Variants in LAT2 observed in about 807,000 individuals in gnomAD.
LAT2 encodes the protein linker for activation of T cells family member 2.
Under a neutral mutation model 43.4 loss-of-function variants are expected in LAT2, and 23 were observed. The ratio of observed to expected loss-of-function variants is 0.53; its 90% CI spans 0.38 to 0.75. LAT2 has a LOEUF of 0.75. LAT2 is among the 30% of genes least tolerant of loss of function. The pLI is 0.00. For synonymous variants in LAT2, 128 were observed against 123.2 expected (o/e 1.04, Z -0.26); for missense variants, 284 against 310.2 (o/e 0.92, Z 0.64).
chr7:74,219,549 G>T (rs1264038270), intron 4 of LAT2, among the ~76,000 whole-genome samples, 195 bp from the exon 5 acceptor site: 3 of 152,236 alleles, frequency 2.0e-5, no homozygotes, highest in Admixed American at 2.0e-4. Flanking sequence ...CCCAGTGCAC[G>T]GAGGGGCCAG....
chr7:74,216,753 A>T (rs1802061182), intron 3 of LAT2, 72 bp from the exon 4 acceptor site: 8 of 1,315,012 alleles, frequency 6.1e-6, no homozygotes, highest in Non-Finnish European at 8.7e-6. Flanking sequence ...GAGACAAGAC[A>T]TGGCGGGGGG....
Position 74,214,359 on chromosome 7 carries a change from TAA to T in LAT2, c.-218-461_-218-460del, listed in dbSNP as rs1246028816. ...ATATATATATATGAAAATATATATA[TAA>T]ATATATATATATGAAAATATATATA... On this transcript the variant is annotated intron_variant, in intron 1 of 13. Transcript: ENST00000460943. 8.9e-4 allele frequency among the ~76,000 whole-genome samples: 41 copies of T among 46,114 alleles called. 2 individuals are homozygous for T. Among genetic ancestry groups the T allele is most frequent in the South Asian group, 2.7e-3 (3 of 1,116 alleles). 30.3% of individuals were successfully genotyped at this position (46,114 alleles called of 152,430 possible).
At chr7:74,217,849 G>A (rs1477308532) in intron 4 of LAT2, among the ~76,000 whole-genome samples, 7 of 152,168 alleles carry the variant, frequency 4.6e-5, no homozygotes, top group South Asian at 2.1e-4. Context: ...ACGCACACCC[G>A]CACACACATC....
At chr7:74,213,421 A>AT (rs1174359277) in intron 1 of LAT2, among the ~76,000 whole-genome samples, 5,551 of 103,150 alleles carry the variant, frequency 0.054, 322 homozygotes, top group Non-Finnish European at 0.081. Flanking sequence ...GTGCCCGGCC[A>AT]TTTTTTTTTT....
intron 9 of LAT2, 92 bp from the exon 10 acceptor site, chr7:74,221,545 G>A: frequency 1.1e-6 from 1 of 894,730 alleles, no homozygotes; most frequent in Non-Finnish European, 1.7e-6. Flanking sequence ...GCAATGGTGG[G>A]AGCAGCCCTG....
chr7:74,212,907 G>T (rs1801778022), intron 1 of LAT2, among the ~76,000 whole-genome samples: 3 of 152,300 alleles, frequency 2.0e-5, no homozygotes, highest in African/African-American at 7.2e-5. Context: ...TTGGGGAGAG[G>T]CCTGGTGGCT....
chr7:74,222,483 G>C (rs979559067), intron 10 of LAT2, among the ~76,000 whole-genome samples: 1 of 151,912 alleles, frequency 6.6e-6, no homozygotes, highest in African/African-American at 2.4e-5. Context: ...TGGGCCTGCG[G>C]TTTGAATCCA....
chr7:74,224,173 TG>T lies in LAT2; in HGVS notation c.606del (p.Trp202CysfsTer33). 3 of 1,613,956 alleles carry T rather than the reference TG, an allele frequency of 1.9e-6. No individual in the cohort carries two copies. The highest frequency in any genetic ancestry group is 2.5e-6 in the Non-Finnish European group (3 of 1,180,022). On this transcript the variant is annotated frameshift_variant, in exon 12 of 14. Transcript: ENST00000460943. LOFTEE classifies it high-confidence loss of function. ...TCAGAACTCAGCATCCATCCATCAGTGGCGCGAGTCCAGGAAGGTCATGGGT... is the reference window on the plus strand; with the variant it reads ...TCAGAACTCAGCATCCATCCATCAGTGCGCGAGTCCAGGAAGGTCATGGGT... ...DYQNSASIHQ[W>X]RESRKVMGQL...
Position 74,220,388 on chromosome 7 carries a change from G to A in LAT2, c.265+134G>A, listed in dbSNP as rs1027074732. 119 of 1,254,438 alleles carry A rather than the reference G, an allele frequency of 9.5e-5. No homozygotes were observed. The East Asian group carries it at 2.7e-3, about 28-fold the overall frequency. The allele number at this position is 1,254,438 out of a possible 1,614,324, so 77.7% of individuals were successfully genotyped here. Reference sequence around the variant, plus strand: ...AGGCCTCCCCAGGAGAGACACACAGGCTGGGGCAGGGCAGGCTCCTGGAAT... The same window carrying A: ...AGGCCTCCCCAGGAGAGACACACAGACTGGGGCAGGGCAGGCTCCTGGAAT... On this transcript the variant is annotated intron_variant, in intron 7 of 13. Transcript: ENST00000460943. This position sits in a 1 kb window ranked among gnomAD's most constrained non-coding sequence, Gnocchi z 4.5.
intron 4 of LAT2, among the ~76,000 whole-genome samples, chr7:74,217,610 C>T (rs1052199977): frequency 7.9e-5 from 12 of 152,110 alleles, no homozygotes; most frequent in Non-Finnish European, 1.3e-4. Context: ...AAAAAACTGC[C>T]GGAGCTCAGG....
chr7:74,217,718 C>A (rs1455994140), intron 4 of LAT2, among the ~76,000 whole-genome samples: 1 of 152,138 alleles, frequency 6.6e-6, no homozygotes, highest in Admixed American at 6.5e-5. Context: ...GGGCTGAAAC[C>A]CAGAACAACC....
chr7:74,216,140 C>T, intron 3 of LAT2, 71 bp downstream of exon 3: 1 of 1,312,956 alleles, frequency 7.6e-7, no homozygotes, highest in Non-Finnish European at 1.1e-6. Flanking sequence ...CTCTCAGGCC[C>T]AGACGTGGCT....
At chr7:74,219,529 G>A (rs1802182172) in intron 4 of LAT2, among the ~76,000 whole-genome samples, 1 of 152,258 alleles carries the variant, frequency 6.6e-6, no homozygotes, top group Non-Finnish European at 1.5e-5. Context: ...CCCTGTGTGA[G>A]GGTTGGGCAC....
Position 74,224,206 on chromosome 7 carries a change from C to T in LAT2, c.628+9C>T. 6.2e-7 allele frequency: 1 copy of T among 1,611,390 alleles called. No homozygotes were observed. Among genetic ancestry groups the T allele is most frequent in the Non-Finnish European group, 8.5e-7 (1 of 1,179,804 alleles). ...GTCCAGGAAGGTCATGGGTAGGTGG[C>T]CGGGAGAAGAGGCAGGGTGGTCCAC... On this transcript the variant is annotated intron_variant, in intron 12 of 13. Transcript: ENST00000460943.
intron 4 of LAT2, among the ~76,000 whole-genome samples, chr7:74,218,311 A>C (rs1397984893): frequency 6.6e-6 from 1 of 152,152 alleles, no homozygotes; most frequent in Non-Finnish European, 1.5e-5. Flanking sequence ...GATTTAGGGT[A>C]TCTCTCCTAA....
At position 74,218,839 on chromosome 7, in the gene LAT2, G is replaced by A. The variant is rs1280321473; in HGVS notation, c.135-905G>A. ...AGCCTCCCGAGTAGCTGGGATTACA[G>A]GCATGCGCCACCATGCCCAGCTAAT... On this transcript the variant is annotated intron_variant, in intron 4 of 13. Transcript: ENST00000460943. Among the ~76,000 whole-genome samples the A allele has an allele frequency of 2.0e-5, 3 of 151,970 alleles. No individual in the cohort carries two copies. In the East Asian group the frequency reaches 5.8e-4, roughly 29 times the overall value.
intron 11 of LAT2, 81 bp from the exon 12 acceptor site, chr7:74,223,937 A>C: frequency 6.6e-7 from 1 of 1,507,060 alleles, no homozygotes; most frequent in Non-Finnish European, 9.1e-7. Context: ...CCTTGCCCCT[A>C]CTATCCTCGG....
intron 10 of LAT2, among the ~76,000 whole-genome samples, chr7:74,223,314 G>T (rs1554715559): frequency 6.6e-6 from 1 of 152,228 alleles, no homozygotes; most frequent in East Asian, 1.9e-4. Context: ...AACACAGCGA[G>T]ATCCTCTCTA....
chr7:74,217,616 T>C (rs1449523196), intron 4 of LAT2, among the ~76,000 whole-genome samples: 1 of 151,912 alleles, frequency 6.6e-6, no homozygotes, highest in East Asian at 1.9e-4. Flanking sequence ...CTGCCGGAGC[T>C]CAGGGGAGGA....
Sources: gnomAD v4.1 joint callset for allele counts (sites outside exome capture counted in the v4.1 genomes callset) on GRCh38, gnomAD v4.1.1 for gene constraint, Gnocchi (gnomAD v3.1) non-coding constraint, MANE v1.5 for transcripts, NCBI Gene and HGNC (gene_info 2026-07-23, HGNC 2026-07-21) for gene names.